UBXN2B: variants seen among roughly 807,000 people sequenced by gnomAD.
UBXN2B encodes the protein UBX domain protein 2B, also known as UBX domain-containing protein 2B.
A neutral mutation model predicts 37.5 loss-of-function variants in UBXN2B; 19 were observed. That is an observed-to-expected ratio of 0.51 (90% CI 0.35 to 0.74). UBXN2B has a LOEUF of 0.74. Among genes scored for constraint, UBXN2B ranks in the 30% least tolerant of loss-of-function variants. The probability of loss-of-function intolerance (pLI) is 0.01; values close to 1 mark genes in which losing one functional copy is unlikely to be tolerated. For synonymous variants in UBXN2B, 145 were observed against 143.8 expected, an observed-to-expected ratio of 1.01 and a Z score of -0.06; for missense variants, 370 against 393.2, an observed-to-expected ratio of 0.94 and a Z score of 0.50.
chr8:58,436,142 C>G lies in UBXN2B; in HGVS notation c.533+1638C>G, dbSNP rs987463565. ...TCTAGCACTTCCTATGTAAATGTGA[C>G]AGGTATAAAAACAGAAAAATGAAGT... On this transcript the variant is annotated intron_variant, in intron 5 of 7. Coordinates refer to ENST00000399598, the MANE Select transcript of UBXN2B (RefSeq NM_001077619.2). 5.9e-5 allele frequency among the ~76,000 whole-genome samples: 9 copies of G among 152,198 alleles called. No homozygotes were observed. The Middle Eastern group carries it at 0.014, about 232-fold the overall frequency.
In UBXN2B at chr8:58,415,001, C is replaced by T. The variant is rs1323833579; in HGVS notation, c.85-1849C>T. ...AAAATACATCTATCTATATCTATTT[C>T]TGATTCATTTTCTATTATGTTCTTT... On this transcript the variant is annotated intron_variant, in intron 1 of 7. Transcript: ENST00000399598. Among the ~76,000 whole-genome samples the T allele has an allele frequency of 3.3e-5, 5 of 152,064 alleles. 1 individual carries two copies.
Position 58,450,487 on chromosome 8 carries a change from T to C in UBXN2B, c.*2936T>C, listed in dbSNP as rs1808778274. On this transcript the variant is annotated 3_prime_UTR_variant, in exon 8 of 8. Transcript: ENST00000399598. The stretch of plus-strand genomic sequence containing the variant: ...TTTTTTACCAACAGTCTATTCATGA[T>C]GATTTAGATATTCTATGGCAATCGA... 1 of 152,246 alleles carries C rather than the reference T, an allele frequency of 6.6e-6. No homozygotes were observed. The highest frequency in any genetic ancestry group is 6.5e-5 in the Admixed American group (1 of 15,286). 9.4% of individuals were successfully genotyped at this position (152,246 alleles called of 1,614,324 possible). A position where few individuals can be genotyped will look rare whatever the true frequency, so the allele number is the denominator to read the frequency against.
At chr8:58,442,991 C>G (rs1156462430) in intron 6 of UBXN2B, among the ~76,000 whole-genome samples, 1 of 152,170 alleles carries the variant, frequency 6.6e-6, no homozygotes, top group East Asian at 1.9e-4. Flanking sequence ...ATCTCAGCTC[C>G]TCAACAGCTG....
In UBXN2B at chr8:58,430,735, T is replaced by G. The variant is rs1420012567; in HGVS notation, c.339+66T>G. ...TTTACCTCCTCTTTCATTTTTCTAT[T>G]ATTTGCAAACATTGTTTTTCTAATT... On this transcript the variant is annotated intron_variant, in intron 3 of 7. Transcript: ENST00000399598. 4 of 1,220,840 alleles carry G rather than the reference T, an allele frequency of 3.3e-6. No individual in the cohort carries two copies. In the East Asian group the frequency reaches 1.2e-4, roughly 38 times the overall value. 75.6% of individuals were successfully genotyped at this position (1,220,840 alleles called of 1,614,324 possible).
chr8:58,446,748 C>A (rs7840036), intron 7 of UBXN2B, among the ~76,000 whole-genome samples: 1 of 120,918 alleles, frequency 8.3e-6, no homozygotes, highest in African/African-American at 3.2e-5. Flanking sequence ...GCTGCTAACA[C>A]ATTTTATACT....
chr8:58,430,627 T>C lies in UBXN2B; in HGVS notation c.297T>C (p.Pro99=). The part of the protein sequence containing the change: ...FKEAREHGAV[P]LNEATRASGD... ...AGGCAAGGGAACATGGGGCTGTCCC[T>C]CTGAATGAAGCCACAAGAGCTTCAG... The change falls in exon 3 of 8, where the codon CCT becomes CCC. Residue 99 remains proline, a synonymous_variant. Coordinates refer to ENST00000399598, the MANE Select transcript of UBXN2B (RefSeq NM_001077619.2). 1 of 1,595,536 alleles carries C rather than the reference T, an allele frequency of 6.3e-7. No individual in the cohort carries two copies. The highest frequency in any genetic ancestry group is 8.5e-7 in the Non-Finnish European group (1 of 1,169,930).
At position 58,439,868 on chromosome 8, in the gene UBXN2B, A is replaced by G. The variant is rs866184429; in HGVS notation, c.671+98A>G. ...GACCTATGAAGTAAAAAACAAAAATATGAACCATGCACATTAGATATATAC... is the reference window on the plus strand; with the variant it reads ...GACCTATGAAGTAAAAAACAAAAATGTGAACCATGCACATTAGATATATAC... On this transcript the variant is annotated intron_variant, in intron 6 of 7. Transcript: ENST00000399598. The G allele has an allele frequency of 1.1e-4, 134 of 1,199,254 alleles. 2 individuals are homozygous for G. The Middle Eastern group carries it at 1.3e-3, about 11-fold the overall frequency. The allele number at this position is 1,199,254 out of a possible 1,614,324, so 74.3% of individuals were successfully genotyped here.
rs1047489455 is a variant in UBXN2B at position 58,450,412 on chromosome 8, C to G, written c.*2861C>G. 1.3e-5 allele frequency: 2 copies of G among 152,212 alleles called. No homozygotes were observed. Among genetic ancestry groups the G allele is most frequent in the Non-Finnish European group, 2.9e-5 (2 of 68,052 alleles). 9.4% of individuals were successfully genotyped at this position (152,212 alleles called of 1,614,324 possible). On this transcript the variant is annotated 3_prime_UTR_variant, in exon 8 of 8. Transcript: ENST00000399598. Reference sequence around the variant, plus strand: ...CACAACTCAGCTTAGCTTTTCGCCACTATGTAACAAGGACTCCTTTCCTCC... The same window carrying G: ...CACAACTCAGCTTAGCTTTTCGCCAGTATGTAACAAGGACTCCTTTCCTCC...
chr8:58,449,845 C>T lies in UBXN2B; in HGVS notation c.*2294C>T, dbSNP rs1808765443. The stretch of plus-strand genomic sequence containing the variant: ...TGTTCTTCTTTTATATTCTCTAAAG[C>T]TTTCTGTTAAAAATGGTGGTGCTTC... On this transcript the variant is annotated 3_prime_UTR_variant, in exon 8 of 8. Coordinates refer to ENST00000399598, the MANE Select transcript of UBXN2B (RefSeq NM_001077619.2). 6.6e-6 allele frequency: 1 copy of T among 152,170 alleles called. No homozygotes were observed. Among genetic ancestry groups the T allele is most frequent in the East Asian group, 1.9e-4 (1 of 5,192 alleles). 9.4% of individuals were successfully genotyped at this position (152,170 alleles called of 1,614,324 possible). A position where few individuals can be genotyped will look rare whatever the true frequency, so the allele number is the denominator to read the frequency against.
intron 7 of UBXN2B, among the ~76,000 whole-genome samples, chr8:58,446,972 G>A (rs1422691112): frequency 1.3e-5 from 2 of 150,448 alleles, no homozygotes; most frequent in Admixed American, 1.3e-4. Context: ...AATTTTTTCT[G>A]GTTTTAGTAG....
chr8:58,418,241 CAA>C (rs56073006), intron 2 of UBXN2B, among the ~76,000 whole-genome samples: 3,726 of 108,832 alleles, frequency 0.034, 62 homozygotes, highest in African/African-American at 0.11. Flanking sequence ...ACTCTGTCTC[CAA>C]AAAAAAAAAA....
chr8:58,411,574 C>G (rs535182060), intron 1 of UBXN2B, 105 bp downstream of exon 1: 1 of 960,776 alleles, frequency 1.0e-6, no homozygotes, highest in South Asian at 5.1e-5. Flanking sequence ...GGAGCCTTTC[C>G]CCGACCCCGT....
chr8:58,414,215 T>C (rs1386538803), intron 1 of UBXN2B, among the ~76,000 whole-genome samples: 1 of 152,190 alleles, frequency 6.6e-6, no homozygotes, highest in African/African-American at 2.4e-5. Context: ...TTCTCTAGTA[T>C]GCATCTGTGA....
intron 2 of UBXN2B, among the ~76,000 whole-genome samples, chr8:58,426,971 C>G (rs1326277512): frequency 6.6e-6 from 1 of 152,174 alleles, no homozygotes; most frequent in African/African-American, 2.4e-5. Flanking sequence ...GTTTTCTTAC[C>G]TGTAAAATAG....
At position 58,438,247 on chromosome 8, in the gene UBXN2B, C is replaced by T. The variant is rs541166184; in HGVS notation, c.534-1386C>T. 4.6e-5 allele frequency among the ~76,000 whole-genome samples: 7 copies of T among 152,312 alleles called. No homozygotes were observed. In the South Asian group the frequency reaches 1.4e-3, roughly 32 times the overall value. ...GAGGCTGCACCTAGATTTTAGAGGG[C>T]CACGCCAAAGGGAAATGTGAGGTTG... On this transcript the variant is annotated intron_variant, in intron 5 of 7. Transcript: ENST00000399598.
intron 6 of UBXN2B, among the ~76,000 whole-genome samples, chr8:58,442,477 A>G (rs1257008456): frequency 5.9e-5 from 9 of 152,250 alleles, no homozygotes; most frequent in Non-Finnish European, 1.2e-4. Flanking sequence ...CAAGTAAAAC[A>G]GAAATGAAAA....
chr8:58,445,815 T>G, intron 6 of UBXN2B, 92 bp from the exon 7 acceptor site: 1 of 1,147,676 alleles, frequency 8.7e-7, no homozygotes, highest in Non-Finnish European at 1.2e-6. Flanking sequence ...TATAGGAGAC[T>G]CAAATGAAGC....
chr8:58,434,143 G>A (rs957104730), intron 4 of UBXN2B, among the ~76,000 whole-genome samples: 1 of 152,050 alleles, frequency 6.6e-6, no homozygotes, highest in Non-Finnish European at 1.5e-5. Flanking sequence ...TCCACCTGCA[G>A]GACCTTTGGT....
rs1808797459 is a variant in UBXN2B, at chr8:58,451,408, A to G, written c.*3857A>G. 6.6e-6 allele frequency: 1 copy of G among 152,230 alleles called. No individual in the cohort carries two copies. 9.4% of individuals were successfully genotyped at this position (152,230 alleles called of 1,614,324 possible). ...AAAAAAGATGTCACAATGAACAGACAACCATCTGTGAGGTCAGTCATTTTG... is the reference window on the plus strand; with the variant it reads ...AAAAAAGATGTCACAATGAACAGACGACCATCTGTGAGGTCAGTCATTTTG... On this transcript the variant is annotated 3_prime_UTR_variant, in exon 8 of 8. Coordinates refer to ENST00000399598, the MANE Select transcript of UBXN2B (RefSeq NM_001077619.2).
Sources: gnomAD v4.1 joint callset for allele counts (sites outside exome capture counted in the v4.1 genomes callset) on GRCh38, gnomAD v4.1.1 for gene constraint, MANE v1.5 for transcripts, NCBI Gene and HGNC (gene_info 2026-07-23, HGNC 2026-07-21) for gene names.